EYA4: variants seen among roughly 807,000 people sequenced by gnomAD.
EYA4 encodes EYA transcriptional coactivator and phosphatase 4.
EYA4 carries 31 observed loss-of-function variants against 87.9 expected under a neutral mutation model. That is an observed-to-expected ratio of 0.35 (90% confidence interval 0.27 to 0.48). The LOEUF is 0.48. Ranked by LOEUF, EYA4 falls within the 20% of genes least tolerant of loss-of-function variation. EYA4 has a pLI of 0.99. For missense variants in EYA4, 678 were observed against 761.4 expected (o/e 0.89, Z 1.29); for synonymous variants, 263 against 270.6 (o/e 0.97, Z 0.28).
chr6:133,491,916 C>T (rs1481419058), intron 13 of EYA4, among the ~76,000 whole-genome samples: 1 of 137,834 alleles, frequency 7.3e-6, no homozygotes, highest in Non-Finnish European at 1.5e-5. Context: ...AGCACCACAG[C>T]ACTGCAGCCT....
chr6:133,254,649 A>G (rs1775194189), intron 1 of EYA4, among the ~76,000 whole-genome samples: 1 of 152,104 alleles, frequency 6.6e-6, no homozygotes, highest in African/African-American at 2.4e-5. Context: ...TGTATGAGTC[A>G]TTTTTTAGCA....
chr6:133,404,794 C>T (rs1256055085), intron 3 of EYA4, among the ~76,000 whole-genome samples: 1 of 152,194 alleles, frequency 6.6e-6, no homozygotes, highest in Non-Finnish European at 1.5e-5. Flanking sequence ...GTAGCCCTGC[C>T]TCATCACCCA....
intron 1 of EYA4, among the ~76,000 whole-genome samples, chr6:133,252,788 A>G (rs1775006839): frequency 6.6e-6 from 1 of 152,190 alleles, no homozygotes; most frequent in Non-Finnish European, 1.5e-5. Context: ...AGAAATTGCA[A>G]AGATACTTGA....
chr6:133,525,035 C>T (rs753799294), intron 18 of EYA4, 119 bp from the exon 19 acceptor site: 16 of 1,613,316 alleles, frequency 9.9e-6, no homozygotes, highest in Admixed American at 1.7e-5. Flanking sequence ...CTGTTTTGAG[C>T]GTATAGTGTC....
At chr6:133,496,377 G>T (rs1273191444) in intron 13 of EYA4, among the ~76,000 whole-genome samples, 1 of 152,126 alleles carries the variant, frequency 6.6e-6, no homozygotes, top group East Asian at 1.9e-4. Context: ...TTTAGCCAGA[G>T]ATTCCTCTAC....
At chr6:133,421,215 C>A (rs904003510) in intron 3 of EYA4, among the ~76,000 whole-genome samples, 1 of 152,142 alleles carries the variant, frequency 6.6e-6, no homozygotes, top group Non-Finnish European at 1.5e-5. Flanking sequence ...CAGAAAGAAC[C>A]ACTGCTGTTC....
intron 2 of EYA4, among the ~76,000 whole-genome samples, chr6:133,348,180 A>G (rs1460703685): frequency 6.6e-6 from 1 of 151,748 alleles, no homozygotes; most frequent in Admixed American, 6.6e-5. Flanking sequence ...TTGCTTAAAC[A>G]TAAATTTTGA....
chr6:133,351,924 T>A (rs998148729), intron 2 of EYA4, among the ~76,000 whole-genome samples: 2 of 151,370 alleles, frequency 1.3e-5, no homozygotes, highest in African/African-American at 4.9e-5. Context: ...CTCTTACCCA[T>A]CTAGATCATA....
At chr6:133,469,080 C>G (rs1339219443) in intron 11 of EYA4, among the ~76,000 whole-genome samples, 1 of 152,016 alleles carries the variant, frequency 6.6e-6, no homozygotes, top group Non-Finnish European at 1.5e-5. Context: ...TGCATAAGCC[C>G]TTCACCTTTG....
chr6:133,298,863 C>T lies in EYA4; in HGVS notation c.33+24050C>T, dbSNP rs139093016. Among the ~76,000 whole-genome samples the T allele has an allele frequency of 2.6e-4, 40 of 152,338 alleles. 1 individual carries two copies. The highest frequency in any genetic ancestry group is 5.0e-4 in the Non-Finnish European group (34 of 68,032). ...TCATCCTGATAAATGTGAACACCTTCATTGACCGAATGCCTTTTAGGGGCA... is the reference window on the plus strand; with the variant it reads ...TCATCCTGATAAATGTGAACACCTTTATTGACCGAATGCCTTTTAGGGGCA... On this transcript the variant is annotated intron_variant, in intron 2 of 19. Coordinates refer to ENST00000355286, the MANE Select transcript of EYA4 (RefSeq NM_004100.5).
rs199701258 is a variant in EYA4, at chr6:133,462,425, C to T, written c.528C>T (p.Ala176=). 4.0e-5 allele frequency: 64 copies of T among 1,613,874 alleles called. No homozygotes were observed. Among genetic ancestry groups the T allele is most frequent in the Non-Finnish European group, 5.0e-5 (59 of 1,179,926 alleles). Residue 176 remains alanine (A), a synonymous_variant, in exon 8 of 20, where the codon GCC becomes GCT. Coordinates refer to ENST00000355286, the MANE Select transcript of EYA4 (RefSeq NM_004100.5). ...AGTATTCGGGGATGCAGCAGCCAGC[C>T]GTCTACACAGCCTACTCACAGACAG... ...QTQYSGMQQP[A]VYTAYSQTGQ...
intron 2 of EYA4, among the ~76,000 whole-genome samples, chr6:133,307,158 C>A (rs1779872409): frequency 1.3e-5 from 2 of 152,220 alleles, no homozygotes; most frequent in Non-Finnish European, 2.9e-5. Flanking sequence ...AGCCTCCTAG[C>A]ACGTTTCTGC....
chr6:133,439,622 C>T (rs763336777), intron 3 of EYA4, among the ~76,000 whole-genome samples: 6 of 152,170 alleles, frequency 3.9e-5, no homozygotes, highest in African/African-American at 9.7e-5. Flanking sequence ...CAACAATGTG[C>T]GACAGTACAT....
chr6:133,323,096 TTGTG>T (rs1464239508), intron 2 of EYA4, among the ~76,000 whole-genome samples: 1 of 105,538 alleles, frequency 9.5e-6, no homozygotes, highest in South Asian at 3.0e-4. Flanking sequence ...GTGTGTGTGT[TTGTG>T]TGTGTGTGTG....
chr6:133,520,079 C>T (rs1268671299), intron 17 of EYA4, among the ~76,000 whole-genome samples: 1 of 151,686 alleles, frequency 6.6e-6, no homozygotes, highest in Non-Finnish European at 1.5e-5. Flanking sequence ...TGGCACAAGA[C>T]AGGGATGCCC....
chr6:133,444,716 G>T lies in EYA4; in HGVS notation c.84-1914G>T, dbSNP rs11961662. Among the ~76,000 whole-genome samples the T allele has an allele frequency of 2.6e-5, 4 of 151,978 alleles. No homozygotes were observed. The East Asian group carries it at 5.8e-4, about 22-fold the overall frequency. On this transcript the variant is annotated intron_variant, in intron 3 of 19. Coordinates refer to ENST00000355286, the MANE Select transcript of EYA4 (RefSeq NM_004100.5). ...GGGCACAGTGACCCCGTTTAGTTGA[G>T]GGCAAGTTTTGGAAAGGAACTCAGT...
In EYA4 at chr6:133,257,227, G is replaced by A. The variant is rs561841685; in HGVS notation, c.-66+15478G>A. ...ACTTTTATGGTTATAAGAGTAGAGTGCATTAGAATGCCAGAAACCAATGAA... is the reference window on the plus strand; with the variant it reads ...ACTTTTATGGTTATAAGAGTAGAGTACATTAGAATGCCAGAAACCAATGAA... On this transcript the variant is annotated intron_variant, in intron 1 of 19. Transcript: ENST00000355286. Among the ~76,000 whole-genome samples the A allele has an allele frequency of 2.0e-5, 3 of 152,192 alleles. No individual in the cohort carries two copies. In the East Asian group the frequency reaches 5.8e-4, roughly 29 times the overall value.
At chr6:133,519,789 T>A (rs1035299927) in intron 17 of EYA4, among the ~76,000 whole-genome samples, 1 of 151,066 alleles carries the variant, frequency 6.6e-6, no homozygotes, top group Non-Finnish European at 1.5e-5. Flanking sequence ...TCAAAAAGCT[T>A]ATCCACCATG....
chr6:133,423,034 CT>C (rs999193474), intron 3 of EYA4, among the ~76,000 whole-genome samples: 12 of 152,042 alleles, frequency 7.9e-5, no homozygotes, highest in Non-Finnish European at 1.6e-4. Flanking sequence ...TCTACTCAGC[CT>C]TTTTTTGGAG....
Sources: allele counts gnomAD v4.1 joint callset (sites outside exome capture counted in the v4.1 genomes callset), GRCh38; gene constraint gnomAD v4.1.1; transcripts MANE v1.5; gene names NCBI Gene and HGNC (gene_info 2026-07-23, HGNC 2026-07-21).